The following NOL4L variants were observed in gnomAD, a reference collection of about 807,000 sequenced individuals.
The protein encoded by NOL4L is nucleolar protein 4-like.
A neutral mutation model predicts 64.5 loss-of-function variants in NOL4L; 7 were observed. That is an observed-to-expected ratio of 0.11 (90% CI 0.06 to 0.20). The LOEUF is 0.20. Among genes scored for constraint, NOL4L ranks in the 10% least tolerant of loss-of-function variants. NOL4L has a pLI of 1.00. For synonymous variants in NOL4L, 413 were observed against 401.0 expected (o/e 1.03, Z -0.36); for missense variants, 680 against 967.1 (o/e 0.70, Z 3.94).
At chr20:32,523,524 C>G (rs138160362) in intron 2 of NOL4L, among the ~76,000 whole-genome samples, 1 of 152,152 alleles carries the variant, frequency 6.6e-6, no homozygotes. Context: ...CAGAATGAGT[C>G]GAAACCAGGA....
intron 10 of NOL4L, among the ~76,000 whole-genome samples, chr20:32,449,235 T>C (rs922591042): frequency 6.6e-6 from 1 of 152,216 alleles, no homozygotes; most frequent in African/African-American, 2.4e-5. Flanking sequence ...GCCCTCCCCC[T>C]GGAGTCCCTT....
At chr20:32,501,572 G>C (rs1180984259) in intron 4 of NOL4L, among the ~76,000 whole-genome samples, 1 of 152,112 alleles carries the variant, frequency 6.6e-6, no homozygotes, top group Non-Finnish European at 1.5e-5. Flanking sequence ...CTTAATATAA[G>C]ACATTGATAA....
At chr20:32,481,972 G>GGC (rs1367351552) in intron 4 of NOL4L, among the ~76,000 whole-genome samples, 1 of 149,022 alleles carries the variant, frequency 6.7e-6, no homozygotes, top group Non-Finnish European at 1.5e-5. Flanking sequence ...GGCGGGGGGG[G>GGC]GGGAGCAGGC....
intron 1 of NOL4L, chr20:32,532,383 C>T (rs140261169): frequency 2.2e-5 from 22 of 985,392 alleles, no homozygotes; most frequent in East Asian, 1.1e-4. Flanking sequence ...AGGGGAAGAA[C>T]GCCAGGATGT....
chr20:32,525,603 A>C (rs1317189053), intron 2 of NOL4L, among the ~76,000 whole-genome samples: 5 of 152,038 alleles, frequency 3.3e-5, no homozygotes, highest in Admixed American at 6.6e-5. Context: ...AATTTTATTT[A>C]TTTCTTTTTG....
intron 4 of NOL4L, among the ~76,000 whole-genome samples, chr20:32,497,793 C>T (rs1467330316): frequency 6.6e-6 from 1 of 152,194 alleles, no homozygotes; most frequent in East Asian, 1.9e-4. Flanking sequence ...GGCTGCCTGG[C>T]AGGGGTGTTT....
chr20:32,540,067 G>T (rs1345666097), intron 1 of NOL4L, among the ~76,000 whole-genome samples: 1 of 152,208 alleles, frequency 6.6e-6, no homozygotes, highest in Non-Finnish European at 1.5e-5. Context: ...AGCTTGCCTC[G>T]GGTGTGAACA....
intron 4 of NOL4L, among the ~76,000 whole-genome samples, chr20:32,507,663 G>T (rs2017188809): frequency 6.6e-6 from 1 of 152,132 alleles, no homozygotes; most frequent in African/African-American, 2.4e-5. Context: ...AGATTATTGA[G>T]ATTTTTTCTT....
chr20:32,525,709 C>T (rs2018107937), intron 2 of NOL4L, among the ~76,000 whole-genome samples: 1 of 152,010 alleles, frequency 6.6e-6, no homozygotes, highest in African/African-American at 2.4e-5. Context: ...GCCTCCCAAT[C>T]AGCTAGGACT....
intron 1 of NOL4L, among the ~76,000 whole-genome samples, chr20:32,571,514 G>C: frequency 6.6e-6 from 1 of 152,304 alleles, no homozygotes; most frequent in Admixed American, 6.5e-5. Flanking sequence ...GCCAACTGCC[G>C]GTTTTGGTTT....
At chr20:32,514,088 T>C (rs2017537833) in intron 3 of NOL4L, among the ~76,000 whole-genome samples, 1 of 152,200 alleles carries the variant, frequency 6.6e-6, no homozygotes, top group Non-Finnish European at 1.5e-5. Context: ...GGTGACTTTA[T>C]AGATCAAATA....
intron 2 of NOL4L, among the ~76,000 whole-genome samples, chr20:32,524,838 C>T (rs936825687): frequency 2.0e-5 from 3 of 152,058 alleles, no homozygotes; most frequent in Non-Finnish European, 4.4e-5. Context: ...CCACCCCCTG[C>T]CCCCAAAAAA....
intron 5 of NOL4L, 26 bp from the exon 6 acceptor site, chr20:32,456,421 GC>G: frequency 1.4e-6 from 2 of 1,446,148 alleles, no homozygotes; most frequent in Non-Finnish European, 9.1e-7. Context: ...TGGGTGTGAG[GC>G]CCCACCCAAG....
At position 32,456,278 on chromosome 20, in the gene NOL4L, G is replaced by C; in HGVS notation, c.959C>G (p.Ala320Gly). Residue 320 changes from alanine to glycine, a missense_variant, in exon 6 of 11, where the codon GCC (alanine) becomes GGC (glycine). Physicochemically the swap from Ala to Gly is moderately conservative, Grantham distance 60. Transcript: ENST00000621426. ...FPEMNGNGAVAPMDFTTAAED... is the reference protein window; with the variant it reads ...FPEMNGNGAVGPMDFTTAAED... ...GGCGGCCGTGGTGAAGTCCATGGGGGCCACGGCGCCGTTGCCATTCATCTC... is the reference window on the plus strand; with the variant it reads ...GGCGGCCGTGGTGAAGTCCATGGGGCCCACGGCGCCGTTGCCATTCATCTC... 1 of 1,588,346 alleles carries C rather than the reference G, an allele frequency of 6.3e-7. No individual in the cohort carries two copies. Among genetic ancestry groups the C allele is most frequent in the Non-Finnish European group, 8.6e-7 (1 of 1,166,610 alleles).
intron 1 of NOL4L, among the ~76,000 whole-genome samples, chr20:32,554,257 C>T (rs1978502701): frequency 7.0e-6 from 1 of 141,962 alleles, no homozygotes. Context: ...GAAGGCAGAG[C>T]TTGCAGTGAG....
At chr20:32,529,539 T>C (rs1043492775) in intron 1 of NOL4L, among the ~76,000 whole-genome samples, 1 of 152,122 alleles carries the variant, frequency 6.6e-6, no homozygotes, top group African/African-American at 2.4e-5. Flanking sequence ...CACAGACAGG[T>C]CTTGGTTTCA....
chr20:32,574,640 C>T (rs1489761079), intron 1 of NOL4L, among the ~76,000 whole-genome samples: 2 of 152,076 alleles, frequency 1.3e-5, no homozygotes, highest in African/African-American at 2.4e-5. Context: ...TTCCTCAGCC[C>T]GGGGATGCCG....
At position 32,536,284 on chromosome 20, in the gene NOL4L, C is replaced by T. The variant is rs913398577; in HGVS notation, c.322-8371G>A. ...AGGAGGTAGCCCTGAGCCAGCCAGG[C>T]CCCGCGGGCGGGTCCCTCTCGGGCC... On this transcript the variant is annotated intron_variant, in intron 1 of 10. Coordinates refer to ENST00000621426, the MANE Select transcript of NOL4L (RefSeq NM_001256798.2). 2.7e-5 allele frequency: 27 copies of T among 985,370 alleles called. No homozygotes were observed. The East Asian group carries it at 2.5e-3, about 92-fold the overall frequency. 61.0% of individuals were successfully genotyped at this position (985,370 alleles called of 1,614,324 possible).
chr20:32,541,619 A>C (rs1437771845), intron 1 of NOL4L, among the ~76,000 whole-genome samples: 1 of 152,174 alleles, frequency 6.6e-6, no homozygotes, highest in East Asian at 1.9e-4. Context: ...CTGGAATCTG[A>C]GCTGCCCTCA....
Sources: allele counts gnomAD v4.1 joint callset (sites outside exome capture counted in the v4.1 genomes callset), GRCh38; gene constraint gnomAD v4.1.1; transcripts MANE v1.5; gene names NCBI Gene and HGNC (gene_info 2026-07-23, HGNC 2026-07-21).